Variants in PLG observed in about 807,000 individuals in gnomAD.
PLG encodes plasminogen, also known as plasmin.
A neutral mutation model predicts 104.4 loss-of-function variants in PLG; 41 were observed. That is an observed-to-expected ratio of 0.39 (90% confidence interval 0.31 to 0.51). The LOEUF (loss-of-function observed/expected upper bound fraction) is 0.51, where lower values mean the gene tolerates loss of function less well. PLG is among the 20% of genes least tolerant of loss of function. PLG has a pLI of 0.76. For synonymous variants in PLG, 337 were observed against 357.1 expected (o/e 0.94, Z 0.63); for missense variants, 891 against 1,003.6 (o/e 0.89, Z 1.52).
chr6:160,734,759 A>AAAG lies in PLG; in HGVS notation c.1681+673_1681+674insGAA, dbSNP rs1562379452. 1.3e-5 allele frequency among the ~76,000 whole-genome samples: 2 copies of AAAG among 151,132 alleles called. No individual in the cohort carries two copies. Among genetic ancestry groups the AAAG allele is most frequent in the African/African-American group, 2.4e-5 (1 of 41,196 alleles). On this transcript the variant is annotated intron_variant, in intron 13 of 18. Coordinates refer to ENST00000308192, the MANE Select transcript of PLG (RefSeq NM_000301.5). This position sits in a 1 kb window ranked among gnomAD's most constrained non-coding sequence, Gnocchi z 4.4. ...TGGGTATTTCTGAAAAAAAAAAAAA[A>AAAG]AAAAAGAAAGGAAGCTACTTGGAAT...
intron 9 of PLG, among the ~76,000 whole-genome samples, chr6:160,720,410 CTTTTTTTTTT>C (rs3057066): frequency 1.7e-5 from 1 of 58,520 alleles, no homozygotes; most frequent in Non-Finnish European, 2.8e-5. Context: ...CTTTTCTTTT[CTTTTTTTTTT>C]TTTTTTTTTT....
chr6:160,715,016 A>G, intron 6 of PLG, 102 bp downstream of exon 6: 1 of 1,178,584 alleles, frequency 8.5e-7, no homozygotes, highest in Non-Finnish European at 1.2e-6. Flanking sequence ...CAAGAAGTGA[A>G]CGCCTGATGT....
At chr6:160,729,789 T>G (rs1777969840) in intron 10 of PLG, among the ~76,000 whole-genome samples, 2 of 152,190 alleles carry the variant, frequency 1.3e-5, no homozygotes, top group African/African-American at 2.4e-5. Flanking sequence ...ATGGAAGTGT[T>G]CTGTATCATA....
intron 10 of PLG, 189 bp from the exon 11 acceptor site, chr6:160,730,862 T>C (rs1395021557): frequency 3.5e-6 from 2 of 575,682 alleles, no homozygotes; most frequent in Non-Finnish European, 6.1e-6. Flanking sequence ...AATTAAAATC[T>C]GTCTTTGAAA....
chr6:160,733,862 A>AAAC (rs1778043006), intron 12 of PLG, 133 bp from the exon 13 acceptor site: 1 of 508,362 alleles, frequency 2.0e-6, no homozygotes, highest in Admixed American at 3.0e-5. Flanking sequence ...AAAAAAAAAA[A>AAAC]AAAAAAGAAG....
chr6:160,731,599 G>A lies in PLG; in HGVS notation c.1439-146G>A, dbSNP rs968274362. The A allele has an allele frequency of 1.7e-5, 13 of 776,002 alleles. No homozygotes were observed. The highest frequency in any genetic ancestry group is 3.2e-4 in the Middle Eastern group (1 of 3,128). 48.1% of individuals were successfully genotyped at this position (776,002 alleles called of 1,614,324 possible). On this transcript the variant is annotated intron_variant, in intron 11 of 18. Transcript: ENST00000308192. The surrounding 1 kb of genome is among the most constrained non-coding windows in gnomAD (Gnocchi z 5.1). The stretch of plus-strand genomic sequence containing the variant: ...CCAGTAATTTCTTAAGGTAGGCAGC[G>A]TTCATTGCAGTCTTCAGCATTGCAG...
intron 6 of PLG, among the ~76,000 whole-genome samples, chr6:160,715,383 G>T (rs115440345): frequency 6.6e-6 from 1 of 152,082 alleles, no homozygotes; most frequent in Non-Finnish European, 1.5e-5. Context: ...ATGAGCAGAC[G>T]TCATGGATTT....
At chr6:160,749,943 A>G (rs901842350) in intron 17 of PLG, among the ~76,000 whole-genome samples, 1 of 150,964 alleles carries the variant, frequency 6.6e-6, no homozygotes, top group African/African-American at 2.4e-5. Context: ...AACAATAGAC[A>G]TCACATAACC....
At position 160,716,631 on chromosome 6, in the gene PLG, T is replaced by G. The variant is rs4252109; in HGVS notation, c.669-14T>G. On this transcript the variant is annotated splice_polypyrimidine_tract_variant and intron_variant, in intron 6 of 18. Coordinates refer to ENST00000308192, the MANE Select transcript of PLG (RefSeq NM_000301.5). ...AAATGTTCAGTGCTACTAAAATCTT[T>G]CTTGTCCATTCAGATTTCCAAACAA... 0.26 allele frequency: 361,993 copies of G among 1,419,248 alleles called. 50,369 individuals carry two copies. Among genetic ancestry groups the G allele is most frequent in the Non-Finnish European group, 0.29 (291,292 of 1,002,338 alleles). 87.9% of individuals were successfully genotyped at this position (1,419,248 alleles called of 1,614,324 possible).
rs1299386878 is a variant in PLG at position 160,737,044 on chromosome 6, C to A, written c.1802+37C>A. The stretch of plus-strand genomic sequence containing the variant: ...CCCAGAAACGATTTATACTGTCCCT[C>A]CACGTAAGCCCTGCAAAACCCTTCT... On this transcript the variant is annotated intron_variant, in intron 14 of 18. Transcript: ENST00000308192. The surrounding 1 kb of genome is among the most constrained non-coding windows in gnomAD (Gnocchi z 4.7). 1.9e-6 allele frequency: 3 copies of A among 1,610,296 alleles called. No homozygotes were observed. The highest frequency in any genetic ancestry group is 1.7e-5 in the Admixed American group (1 of 59,948).
chr6:160,737,556 A>C lies in PLG; in HGVS notation c.1802+549A>C, dbSNP rs774742640. Among the ~76,000 whole-genome samples, 1 of 152,244 alleles carries C rather than the reference A, an allele frequency of 6.6e-6. No homozygotes were observed. Among genetic ancestry groups the C allele is most frequent in the South Asian group, 2.1e-4 (1 of 4,834 alleles). On this transcript the variant is annotated intron_variant, in intron 14 of 18. Coordinates refer to ENST00000308192, the MANE Select transcript of PLG (RefSeq NM_000301.5). This position sits in a 1 kb window ranked among gnomAD's most constrained non-coding sequence, Gnocchi z 4.7. ...AATGAAGAGTGATCAGTCCAATCCC[A>C]GGGAACCTGGACATTTTGGGTATTG...
Position 160,731,847 on chromosome 6 carries a change from G to A in PLG, c.1541G>A (p.Ser514Asn), listed in dbSNP as rs1255650536. The change falls in exon 12 of 19, where the codon AGC becomes AAC. Residue 514 changes from serine to asparagine, a missense_variant. Physicochemically the swap from Ser to Asn is conservative, Grantham distance 46 (BLOSUM62 1). Transcript: ENST00000308192. The surrounding 1 kb of genome is among the most constrained non-coding windows in gnomAD (Gnocchi z 5.1). ...DWAAQEPHRHSIFTPETNPRA... is the reference protein window; with the variant it reads ...DWAAQEPHRHNIFTPETNPRA... ...GCTGCCCAGGAGCCCCATAGACACAGCATTTTCACTCCAGAGACAAATCCA... is the reference window on the plus strand; with the variant it reads ...GCTGCCCAGGAGCCCCATAGACACAACATTTTCACTCCAGAGACAAATCCA... 6.2e-7 allele frequency: 1 copy of A among 1,614,138 alleles called. No individual in the cohort carries two copies. Among genetic ancestry groups the A allele is most frequent in the East Asian group, 2.2e-5 (1 of 44,878 alleles).
chr6:160,748,951 C>T (rs1363625458), intron 17 of PLG, among the ~76,000 whole-genome samples: 1 of 152,232 alleles, frequency 6.6e-6, no homozygotes, highest in African/African-American at 2.4e-5. Context: ...CCTGCATCAG[C>T]TGTTCCATGC....
chr6:160,712,742 AT>A (rs1465986612), intron 4 of PLG, among the ~76,000 whole-genome samples: 1 of 152,186 alleles, frequency 6.6e-6, no homozygotes, highest in East Asian at 1.9e-4. Flanking sequence ...TGACTGTGCA[AT>A]AAAAATATTT....
chr6:160,747,598 C>T (rs565920901), intron 17 of PLG, among the ~76,000 whole-genome samples: 1 of 144,988 alleles, frequency 6.9e-6, no homozygotes, highest in South Asian at 2.3e-4. Flanking sequence ...TCAGCCTTTG[C>T]ATAAGTTTTC....
In PLG at chr6:160,702,259, C is replaced by T; in HGVS notation, c.-46C>T. The T allele has an allele frequency of 6.2e-7, 1 of 1,607,014 alleles. No homozygotes were observed. Among genetic ancestry groups the T allele is most frequent in the Non-Finnish European group, 8.5e-7 (1 of 1,178,200 alleles). On this transcript the variant is annotated 5_prime_UTR_variant, in exon 1 of 19. Coordinates refer to ENST00000308192, the MANE Select transcript of PLG (RefSeq NM_000301.5). ...TTACTCTCATGTAAGTCAACAACAT[C>T]CTGGGATTGGGACCCACTTTCTGGG...
rs967260124 is a variant in PLG at position 160,732,923 on chromosome 6, G to A, written c.1587+1030G>A. 2.0e-5 allele frequency among the ~76,000 whole-genome samples: 3 copies of A among 152,070 alleles called. No individual in the cohort carries two copies. Among genetic ancestry groups the A allele is most frequent in the African/African-American group, 7.2e-5 (3 of 41,410 alleles). On this transcript the variant is annotated intron_variant, in intron 12 of 18. Coordinates refer to ENST00000308192, the MANE Select transcript of PLG (RefSeq NM_000301.5). This position sits in a 1 kb window ranked among gnomAD's most constrained non-coding sequence, Gnocchi z 4.5. ...TTACAGAGGCACAGTTGAATACATC[G>A]TTGGCCATTGGAGACCAGCTCACCT...
In PLG at chr6:160,716,747, T is replaced by C. The variant is rs14224; in HGVS notation, c.771T>C (p.Cys257=). 678,266 of 1,600,012 alleles carry C rather than the reference T, an allele frequency of 0.42. 145,900 individuals are homozygous for C. Among genetic ancestry groups the C allele is most frequent in the African/African-American group, 0.53 (39,496 of 74,652 alleles). ...TTDPNKRWEL[C]DIPRCTTPPP... The stretch of plus-strand genomic sequence containing the variant: ...ACCCCAACAAGCGCTGGGAACTTTG[T>C]GACATCCCCCGCTGCAGTGAGTATG... The change falls in exon 7 of 19, where the codon TGT becomes TGC. Residue 257 remains cysteine (C), a synonymous_variant. Transcript: ENST00000308192.
At chr6:160,729,058 A>G (rs965662647) in intron 10 of PLG, among the ~76,000 whole-genome samples, 47 of 152,344 alleles carry the variant, frequency 3.1e-4, no homozygotes, top group African/African-American at 1.1e-3. Context: ...CTCACTAATC[A>G]GAGGACAAAC....
Sources: gnomAD v4.1 joint callset for allele counts (sites outside exome capture counted in the v4.1 genomes callset) on GRCh38, gnomAD v4.1.1 for gene constraint, Gnocchi (gnomAD v3.1) non-coding constraint, MANE v1.5 for transcripts, NCBI Gene and HGNC (gene_info 2026-07-23, HGNC 2026-07-21) for gene names.